The following NAALADL2 variants were observed in gnomAD, a reference collection of about 807,000 sequenced individuals.
The protein encoded by NAALADL2 is N-acetylated alpha-linked acidic dipeptidase like 2, also known as inactive N-acetylated-alpha-linked acidic dipeptidase-like protein 2.
A neutral mutation model predicts 87.2 loss-of-function variants in NAALADL2; 76 were observed. The ratio of observed to expected loss-of-function variants is 0.87; its 90% CI spans 0.72 to 1.05. The LOEUF (loss-of-function observed/expected upper bound fraction) is 1.05, where lower values mean the gene tolerates loss of function less well. Among genes scored for constraint, NAALADL2 ranks in the 50% least tolerant of loss-of-function variants. The probability of loss-of-function intolerance (pLI) is 0.00; values close to 1 mark genes in which losing one functional copy is unlikely to be tolerated. For synonymous variants in NAALADL2, 354 were observed against 331.0 expected, an observed-to-expected ratio of 1.07 and a Z score of -0.75; for missense variants, 1,089 against 945.8, an observed-to-expected ratio of 1.15 and a Z score of -1.99.
chr3:174,740,695 G>A (rs1403204245), intron 3 of NAALADL2, among the ~76,000 whole-genome samples: 1 of 151,782 alleles, frequency 6.6e-6, no homozygotes, highest in Non-Finnish European at 1.5e-5. Flanking sequence ...TTTAGCCATA[G>A]CTAAGTATAA....
At chr3:175,609,912 C>A (rs1724376136) in intron 10 of NAALADL2, among the ~76,000 whole-genome samples, 1 of 152,092 alleles carries the variant, frequency 6.6e-6, no homozygotes, top group Non-Finnish European at 1.5e-5. Context: ...CAAAGTCTAT[C>A]CTGAGCTGTC....
intron 9 of NAALADL2, among the ~76,000 whole-genome samples, chr3:175,531,911 C>T (rs1361361972): frequency 6.6e-6 from 1 of 152,170 alleles, no homozygotes; most frequent in African/African-American, 2.4e-5. Context: ...TCTTTCACGT[C>T]CTTGATGGTG....
At chr3:175,764,283 T>C (rs1471986846) in intron 13 of NAALADL2, among the ~76,000 whole-genome samples, 2 of 152,116 alleles carry the variant, frequency 1.3e-5, no homozygotes, top group Admixed American at 6.6e-5. Context: ...ACTACACTTA[T>C]ATGATTGTTT....
At chr3:174,682,596 C>T (rs1283262829) in intron 2 of NAALADL2, among the ~76,000 whole-genome samples, 1 of 152,160 alleles carries the variant, frequency 6.6e-6, no homozygotes, top group African/African-American at 2.4e-5. Context: ...AAACAAGAGT[C>T]TTTGCCTGGT....
intron 11 of NAALADL2, among the ~76,000 whole-genome samples, chr3:175,672,318 C>T (rs1734113491): frequency 6.6e-6 from 1 of 152,128 alleles, no homozygotes; most frequent in South Asian, 2.1e-4. Flanking sequence ...GCATAAATAC[C>T]GATTCTGCCT....
intron 2 of NAALADL2, among the ~76,000 whole-genome samples, chr3:175,101,392 G>T (rs1374774536): frequency 6.6e-6 from 1 of 152,124 alleles, no homozygotes. Flanking sequence ...TGAGATGCTG[G>T]TTATCTTGTA....
intron 9 of NAALADL2, among the ~76,000 whole-genome samples, chr3:175,539,274 G>T (rs573961652): frequency 6.6e-6 from 1 of 152,128 alleles, no homozygotes; most frequent in East Asian, 1.9e-4. Flanking sequence ...AAGCTAAATT[G>T]GTTAGATTTC....
chr3:175,573,649 G>A (rs1275325961), intron 9 of NAALADL2, among the ~76,000 whole-genome samples: 3 of 152,164 alleles, frequency 2.0e-5, no homozygotes, highest in Non-Finnish European at 2.9e-5. Flanking sequence ...TGTTTTTCAT[G>A]TTCTAGTGCT....
Position 175,781,056 on chromosome 3 carries a change from C to T in NAALADL2, c.2190-21949C>T, listed in dbSNP as rs369025749. Among the ~76,000 whole-genome samples the T allele has an allele frequency of 2.2e-3, 339 of 152,180 alleles. 2 individuals are homozygous for T. The highest frequency in any genetic ancestry group is 7.3e-3 in the African/African-American group (305 of 41,520). ...ATTTTTACTTTGAAATGTGTAATTT[C>T]AATTTGTAGTCAACACTTATTTTTA... On this transcript the variant is annotated intron_variant, in intron 13 of 13. Transcript: ENST00000454872.
At chr3:175,013,293 A>ATG (rs1317049254) in intron 1 of NAALADL2, among the ~76,000 whole-genome samples, 1 of 79,776 alleles carries the variant, frequency 1.3e-5, no homozygotes, top group Non-Finnish European at 2.1e-5. Context: ...ATATATATAT[A>ATG]TATATATATT....
At chr3:175,579,301 T>A (rs531241727) in intron 10 of NAALADL2, among the ~76,000 whole-genome samples, 7 of 152,010 alleles carry the variant, frequency 4.6e-5, no homozygotes, top group Admixed American at 3.3e-4. Context: ...AGGTGAAAAA[T>A]TGAACTGTAG....
At chr3:175,239,437 C>T (rs555688463) in intron 3 of NAALADL2, among the ~76,000 whole-genome samples, 1 of 152,060 alleles carries the variant, frequency 6.6e-6, no homozygotes, top group Non-Finnish European at 1.5e-5. Context: ...GCAATTATTT[C>T]TTTTGTCCTT....
chr3:175,532,970 C>T (rs1283573364), intron 9 of NAALADL2, among the ~76,000 whole-genome samples: 3 of 152,210 alleles, frequency 2.0e-5, no homozygotes, highest in African/African-American at 7.2e-5. Context: ...TCCCAATCTC[C>T]CTAAGCCTTT....
At chr3:175,049,213 T>C (rs1755056310) in intron 1 of NAALADL2, among the ~76,000 whole-genome samples, 1 of 152,104 alleles carries the variant, frequency 6.6e-6, no homozygotes. Flanking sequence ...ATGATATTGA[T>C]GACTAAGAGG....
chr3:175,554,579 A>G (rs1714955330), intron 9 of NAALADL2, among the ~76,000 whole-genome samples: 1 of 152,052 alleles, frequency 6.6e-6, no homozygotes, highest in Non-Finnish European at 1.5e-5. Flanking sequence ...GGTGGGTTAC[A>G]TGGGGGTACC....
chr3:175,576,312 A>G (rs1391045151), intron 10 of NAALADL2, 125 bp downstream of exon 10: 2 of 816,564 alleles, frequency 2.4e-6, no homozygotes, highest in African/African-American at 3.5e-5. Flanking sequence ...CTTCATTTAG[A>G]GAGTTATTCT....
chr3:175,643,890 A>G (rs1165796449), intron 11 of NAALADL2, among the ~76,000 whole-genome samples: 1 of 152,138 alleles, frequency 6.6e-6, no homozygotes, highest in Non-Finnish European at 1.5e-5. Context: ...GTGGATGCTT[A>G]TATTTTTAAT....
intron 2 of NAALADL2, among the ~76,000 whole-genome samples, chr3:174,556,744 A>T (rs1712876548): frequency 6.7e-6 from 1 of 148,334 alleles, no homozygotes; most frequent in Non-Finnish European, 1.5e-5. Context: ...TTTAAAATAC[A>T]TTTTTTTTTT....
intron 9 of NAALADL2, among the ~76,000 whole-genome samples, chr3:175,479,126 G>C (rs1726108931): frequency 6.6e-6 from 1 of 151,220 alleles, no homozygotes; most frequent in South Asian, 2.1e-4. Context: ...ACTTATCTTT[G>C]ATAAATTTTA....
Sources: allele counts gnomAD v4.1 joint callset (sites outside exome capture counted in the v4.1 genomes callset), GRCh38; gene constraint gnomAD v4.1.1; transcripts MANE v1.5; gene names NCBI Gene and HGNC (gene_info 2026-07-23, HGNC 2026-07-21).